The following SLC2A13 variants were observed in gnomAD, a reference collection of about 807,000 sequenced individuals.
SLC2A13 encodes proton myo-inositol cotransporter.
In SLC2A13, 32 loss-of-function variants were observed where a neutral mutation model predicts 64.4. That is an observed-to-expected ratio of 0.50 (90% CI 0.37 to 0.67). The LOEUF (loss-of-function observed/expected upper bound fraction) is 0.67. Among genes scored for constraint, SLC2A13 ranks in the 30% least tolerant of loss-of-function variants. The pLI is 0.00. For synonymous variants in SLC2A13, 338 were observed against 327.1 expected (o/e 1.03, Z -0.36); for missense variants, 743 against 829.2 (o/e 0.90, Z 1.28).
chr12:40,046,591 T>C (rs1948174591), intron 2 of SLC2A13, among the ~76,000 whole-genome samples: 1 of 152,004 alleles, frequency 6.6e-6, no homozygotes, highest in South Asian at 2.1e-4. Context: ...CAGGTTATAC[T>C]GAAAACAGTT....
intron 2 of SLC2A13, among the ~76,000 whole-genome samples, chr12:40,034,025 T>A (rs1286142082): frequency 6.6e-6 from 1 of 152,192 alleles, no homozygotes; most frequent in Non-Finnish European, 1.5e-5. Context: ...CCAAATGACA[T>A]GAAAAAGTTG....
chr12:39,786,140 T>C (rs1435867807), intron 7 of SLC2A13, among the ~76,000 whole-genome samples: 4 of 152,142 alleles, frequency 2.6e-5, no homozygotes, highest in Non-Finnish European at 5.9e-5. Flanking sequence ...TGATGTGCTT[T>C]GGCTTTGTCC....
At chr12:40,085,444 C>A (rs1248753002) in intron 1 of SLC2A13, among the ~76,000 whole-genome samples, 1 of 152,132 alleles carries the variant, frequency 6.6e-6, no homozygotes, top group Non-Finnish European at 1.5e-5. Context: ...CCTGTGGAAT[C>A]AGACGCTATT....
intron 3 of SLC2A13, among the ~76,000 whole-genome samples, chr12:40,019,214 G>T (rs1359425574): frequency 6.6e-6 from 1 of 152,166 alleles, no homozygotes; most frequent in Non-Finnish European, 1.5e-5. Context: ...GGAAGCAACT[G>T]AACTATTTTG....
At chr12:40,030,598 A>T (rs1947889112) in intron 2 of SLC2A13, among the ~76,000 whole-genome samples, 1 of 152,182 alleles carries the variant, frequency 6.6e-6, no homozygotes, top group African/African-American at 2.4e-5. Flanking sequence ...ATAATACTTC[A>T]AAAAGCACTG....
At chr12:39,985,434 T>A (rs1947013943) in intron 3 of SLC2A13, among the ~76,000 whole-genome samples, 1 of 152,096 alleles carries the variant, frequency 6.6e-6, no homozygotes. Flanking sequence ...AAGAAAAGTA[T>A]TAAGGAACTG....
intron 3 of SLC2A13, among the ~76,000 whole-genome samples, chr12:40,026,108 C>A (rs1421091082): frequency 6.6e-6 from 1 of 152,212 alleles, no homozygotes; most frequent in Non-Finnish European, 1.5e-5. Context: ...TGAATGCATT[C>A]ATGCAATAAT....
intron 6 of SLC2A13, among the ~76,000 whole-genome samples, chr12:39,841,123 C>T (rs1592193632): frequency 6.6e-6 from 1 of 152,112 alleles, no homozygotes; most frequent in South Asian, 2.1e-4. Flanking sequence ...TAAGATTCAA[C>T]TGACTCCTGA....
intron 3 of SLC2A13, among the ~76,000 whole-genome samples, chr12:39,988,494 G>A (rs1488102019): frequency 6.8e-6 from 1 of 146,338 alleles, no homozygotes; most frequent in Non-Finnish European, 1.5e-5. Context: ...AGGAAGGAAG[G>A]AGAAAAAGAA....
At chr12:39,781,962 G>C (rs530697142) in intron 7 of SLC2A13, among the ~76,000 whole-genome samples, 3 of 152,266 alleles carry the variant, frequency 2.0e-5, no homozygotes, top group African/African-American at 4.8e-5. Flanking sequence ...GGATAATCTT[G>C]AGTTATGGTT....
chr12:39,864,736 GGAA>G (rs746249341), intron 6 of SLC2A13, 23 bp downstream of exon 6: 15 of 1,610,652 alleles, frequency 9.3e-6, no homozygotes, highest in Non-Finnish European at 1.3e-5. Context: ...GTCATGTAAA[GGAA>G]GAAGAACATA....
At chr12:39,914,585 T>C (rs1157298083) in intron 4 of SLC2A13, among the ~76,000 whole-genome samples, 1 of 151,960 alleles carries the variant, frequency 6.6e-6, no homozygotes, top group Non-Finnish European at 1.5e-5. Context: ...CAAACCCATA[T>C]ATTAGGTTGG....
chr12:40,047,145 G>A (rs543805477), intron 2 of SLC2A13, among the ~76,000 whole-genome samples: 5 of 152,048 alleles, frequency 3.3e-5, no homozygotes, highest in East Asian at 1.9e-4. Flanking sequence ...CAAGTGATCC[G>A]CCCACCTTGG....
chr12:39,871,782 TTA>T lies in SLC2A13; in HGVS notation c.1198+14_1198+15del. Reference sequence around the variant, plus strand: ...GAAATAAAGTTTATAATTGAATTCTTTATCCAGCCACCTACCTGCTAAACTAC... The same window carrying T: ...GAAATAAAGTTTATAATTGAATTCTTTCCAGCCACCTACCTGCTAAACTAC... On this transcript the variant is annotated intron_variant, in intron 5 of 9. Coordinates refer to ENST00000280871, the MANE Select transcript of SLC2A13 (RefSeq NM_052885.4). 1 of 1,584,652 alleles carries T rather than the reference TTA, an allele frequency of 6.3e-7. No homozygotes were observed. The highest frequency in any genetic ancestry group is 1.8e-5 in the Admixed American group (1 of 54,122).
At chr12:39,983,907 T>G (rs372816755) in intron 3 of SLC2A13, among the ~76,000 whole-genome samples, 14,307 of 145,996 alleles carry the variant, frequency 0.098, 765 homozygotes, top group Admixed American at 0.15. Flanking sequence ...TTATTCACAA[T>G]AGCAAAGACT....
intron 7 of SLC2A13, among the ~76,000 whole-genome samples, chr12:39,824,691 G>T (rs772477724): frequency 1.2e-4 from 18 of 152,140 alleles, no homozygotes; most frequent in Non-Finnish European, 2.5e-4. Flanking sequence ...GTTCCAGTAG[G>T]ACTTACAGCT....
chr12:39,966,273 T>C (rs1349784797), intron 3 of SLC2A13, among the ~76,000 whole-genome samples: 3 of 152,030 alleles, frequency 2.0e-5, no homozygotes, highest in Non-Finnish European at 4.4e-5. Context: ...TCTTATTACT[T>C]GTAGACCTTT....
intron 2 of SLC2A13, among the ~76,000 whole-genome samples, chr12:40,043,967 A>G (rs1948134374): frequency 6.6e-6 from 1 of 152,228 alleles, no homozygotes. Flanking sequence ...CAGTTATCAT[A>G]TGACCTAGCA....
chr12:39,956,405 G>A (rs28370692), intron 3 of SLC2A13, among the ~76,000 whole-genome samples: 2,982 of 152,190 alleles, frequency 0.02, 96 homozygotes, highest in African/African-American at 0.068. Context: ...ATATGCCAGC[G>A]TCTCAAATTA....
Sources: allele counts gnomAD v4.1 joint callset (sites outside exome capture counted in the v4.1 genomes callset), GRCh38; gene constraint gnomAD v4.1.1; transcripts MANE v1.5; gene names NCBI Gene and HGNC (gene_info 2026-07-23, HGNC 2026-07-21).